Variants in TTC39C observed in about 807,000 individuals in gnomAD.
TTC39C encodes tetratricopeptide repeat domain 39C.
In TTC39C, 33 loss-of-function variants were observed where a neutral mutation model predicts 76.3. The ratio of observed to expected loss-of-function variants is 0.43; its 90% CI spans 0.33 to 0.58. The LOEUF (loss-of-function observed/expected upper bound fraction) is 0.58. TTC39C is among the 20% of genes least tolerant of loss of function. The pLI, the probability that TTC39C is intolerant of heterozygous loss-of-function variation, is 0.04. For synonymous variants in TTC39C, 254 were observed against 260.6 expected (o/e 0.97, Z 0.24); for missense variants, 595 against 701.4 (o/e 0.85, Z 1.71).
At chr18:24,081,911 A>T (rs1379655198) in intron 5 of TTC39C, among the ~76,000 whole-genome samples, 1 of 152,124 alleles carries the variant, frequency 6.6e-6, no homozygotes, top group Admixed American at 6.5e-5. Flanking sequence ...TAATAGTGTC[A>T]TTAGTATGAG....
At chr18:24,042,899 G>A (rs2083815111) in intron 1 of TTC39C, among the ~76,000 whole-genome samples, 1 of 152,068 alleles carries the variant, frequency 6.6e-6, no homozygotes, top group Non-Finnish European at 1.5e-5. Flanking sequence ...CCTGTGTACT[G>A]AAGCATTGTG....
rs748639925 is a variant in TTC39C at position 24,123,958 on chromosome 18, A to G, written c.1296+15A>G. 1.0e-5 allele frequency: 16 copies of G among 1,578,814 alleles called. No individual in the cohort carries two copies. The highest frequency in any genetic ancestry group is 5.4e-5 in the Admixed American group (3 of 55,916). ...CGGTGAAAAAGGTATGTTGGAGCCT[A>G]TTGATCTGGTGTATTACTTATGATG... On this transcript the variant is annotated intron_variant, in intron 9 of 13. Transcript: ENST00000317571.
intron 6 of TTC39C, chr18:24,113,908 T>G: frequency 1.9e-6 from 1 of 520,750 alleles, no homozygotes; most frequent in South Asian, 2.1e-5. Flanking sequence ...ATCTGGATCC[T>G]CAGGGAATTT....
Position 23,995,605 on chromosome 18 carries a change from A to G in TTC39C, c.-17+2567A>G, listed in dbSNP as rs547218827. Among the ~76,000 whole-genome samples, 67 of 152,206 alleles carry G rather than the reference A, an allele frequency of 4.4e-4. No homozygotes were observed. In the South Asian group the frequency reaches 0.011, roughly 25 times the overall value. ...TCCTTTTTATTGCTGGTATAGATGT[A>G]CTACACCTTGGGGCTATTACAAATA... On this transcript the variant is annotated intron_variant, in intron 1 of 13. Transcript: ENST00000304621.
intron 6 of TTC39C, among the ~76,000 whole-genome samples, chr18:24,096,640 G>A (rs980469167): frequency 2.6e-5 from 4 of 152,050 alleles, no homozygotes; most frequent in African/African-American, 7.2e-5. Context: ...CGTTTGTTTC[G>A]AGGGTATTTT....
chr18:24,057,401 T>C (rs1181962493), intron 1 of TTC39C, among the ~76,000 whole-genome samples: 1 of 152,240 alleles, frequency 6.6e-6, no homozygotes, highest in African/African-American at 2.4e-5. Context: ...TAAACATCAA[T>C]GTAACTACTA....
rs901364186 is a variant in TTC39C, at chr18:24,135,113, C to G, written c.*2539C>G. On this transcript the variant is annotated 3_prime_UTR_variant, in exon 14 of 14. Transcript: ENST00000317571. ...TGTCACCCGGGTTTAAGCGATTCTT[C>G]TGCCTGAGCCTCCCAAGTAGCTGGG... is the stretch of plus-strand genomic sequence containing the variant. 6.6e-6 allele frequency: 1 copy of G among 152,156 alleles called. No individual in the cohort carries two copies. The highest frequency in any genetic ancestry group is 1.5e-5 in the Non-Finnish European group (1 of 68,066). 9.4% of individuals were successfully genotyped at this position (152,156 alleles called of 1,614,324 possible). A position where few individuals can be genotyped will look rare whatever the true frequency, so the allele number is the denominator to read the frequency against.
upstream of TTC39C, among the ~76,000 whole-genome samples, chr18:24,010,100 C>T (rs1054307891): frequency 2.6e-4 from 39 of 152,274 alleles, no homozygotes; most frequent in African/African-American, 9.4e-4. Context: ...TTTAATTGAA[C>T]AAAGAACAAT....
chr18:24,032,156 G>A (rs549529218), intron 1 of TTC39C, among the ~76,000 whole-genome samples: 13 of 152,190 alleles, frequency 8.5e-5, no homozygotes, highest in Admixed American at 5.2e-4. Context: ...TGGCCCTGCC[G>A]ATACCTCGAT....
intron 1 of TTC39C, among the ~76,000 whole-genome samples, chr18:24,028,687 A>G (rs1369649168): frequency 6.6e-6 from 1 of 152,140 alleles, no homozygotes; most frequent in Non-Finnish European, 1.5e-5. Flanking sequence ...CTTTTAACTG[A>G]AAAATAGAGA....
chr18:24,090,990 G>A (rs1172797865), intron 6 of TTC39C, among the ~76,000 whole-genome samples: 2 of 151,846 alleles, frequency 1.3e-5, no homozygotes, highest in African/African-American at 4.8e-5. Context: ...TATTTTTAGC[G>A]GAGATGGGGT....
intron 6 of TTC39C, among the ~76,000 whole-genome samples, chr18:24,108,374 C>G (rs142581700): frequency 2.0e-4 from 30 of 152,272 alleles, no homozygotes; most frequent in African/African-American, 7.0e-4. Context: ...ATCCCTTTGG[C>G]AATATAGTCT....
At chr18:24,042,996 G>A (rs943047267) in intron 1 of TTC39C, among the ~76,000 whole-genome samples, 1 of 152,092 alleles carries the variant, frequency 6.6e-6, no homozygotes, top group Non-Finnish European at 1.5e-5. Context: ...ACATTTTGGG[G>A]ATAAAATCAA....
At chr18:24,046,759 G>A (rs1011986131) in intron 1 of TTC39C, among the ~76,000 whole-genome samples, 7 of 151,778 alleles carry the variant, frequency 4.6e-5, no homozygotes, top group African/African-American at 1.7e-4. Flanking sequence ...CTCTTGAAAT[G>A]TAGAGAACTT....
chr18:24,056,822 CT>C (rs2084022344), intron 1 of TTC39C, among the ~76,000 whole-genome samples: 1 of 151,888 alleles, frequency 6.6e-6, no homozygotes. Flanking sequence ...GACACCTTAT[CT>C]TTTGTAGAAC....
At chr18:24,063,021 T>C (rs2084118404) in intron 1 of TTC39C, among the ~76,000 whole-genome samples, 1 of 152,250 alleles carries the variant, frequency 6.6e-6, no homozygotes, top group African/African-American at 2.4e-5. Flanking sequence ...TAGTCAGAGA[T>C]TGAATAAATT....
intron 1 of TTC39C, among the ~76,000 whole-genome samples, chr18:24,029,113 T>TG (rs756007345): frequency 0.024 from 421 of 17,886 alleles, 1 homozygote; most frequent in Non-Finnish European, 0.15. Context: ...TTGTTGTTGT[T>TG]TTTGTGTGAG....
intron 6 of TTC39C, among the ~76,000 whole-genome samples, chr18:24,103,391 C>T (rs2084702809): frequency 6.6e-6 from 1 of 152,118 alleles, no homozygotes; most frequent in African/African-American, 2.4e-5. Context: ...TTATACAGAT[C>T]CTGAAAGGAC....
At chr18:24,036,226 T>C (rs934708463) in intron 1 of TTC39C, among the ~76,000 whole-genome samples, 2 of 152,254 alleles carry the variant, frequency 1.3e-5, no homozygotes, top group Non-Finnish European at 2.9e-5. Flanking sequence ...TGAGATTCCA[T>C]ATGAATTTTA....
Sources: allele counts gnomAD v4.1 joint callset (sites outside exome capture counted in the v4.1 genomes callset), GRCh38; gene constraint gnomAD v4.1.1; transcripts MANE v1.5; gene names NCBI Gene and HGNC (gene_info 2026-07-23, HGNC 2026-07-21).